The following RALGAPA1 variants were observed in gnomAD, a reference collection of about 807,000 sequenced individuals.
The protein encoded by RALGAPA1 is Ral GTPase activating protein catalytic subunit alpha 1.
Under a neutral mutation model 269.6 loss-of-function variants are expected in RALGAPA1, and 52 were observed. That is an observed-to-expected ratio of 0.19 (90% CI 0.15 to 0.24). The LOEUF (loss-of-function observed/expected upper bound fraction) is 0.24. Among genes scored for constraint, RALGAPA1 ranks in the 10% least tolerant of loss-of-function variants. The pLI, the probability that RALGAPA1 is intolerant of heterozygous loss-of-function variation, is 1.00. For missense variants in RALGAPA1, 1,917 were observed against 3,013.9 expected (o/e 0.64, Z 8.52); for synonymous variants, 817 against 1,008.3 (o/e 0.81, Z 3.60).
At chr14:35,732,283 T>G (rs1347714309) in intron 12 of RALGAPA1, among the ~76,000 whole-genome samples, 1 of 152,064 alleles carries the variant, frequency 6.6e-6, no homozygotes, top group Non-Finnish European at 1.5e-5. Flanking sequence ...ACAGAACCTT[T>G]TTAAAGCATA....
intron 26 of RALGAPA1, among the ~76,000 whole-genome samples, chr14:35,669,570 T>A (rs1369237661): frequency 2.6e-5 from 4 of 152,054 alleles, no homozygotes; most frequent in African/African-American, 9.7e-5. Context: ...ATTTTATAGA[T>A]GAAGAAACTG....
In RALGAPA1 at chr14:35,762,711, T is replaced by C; in HGVS notation, c.368A>G (p.Lys123Arg). 1 of 1,514,088 alleles carries C rather than the reference T, an allele frequency of 6.6e-7. No individual in the cohort carries two copies. The highest frequency in any genetic ancestry group is 9.2e-7 in the Non-Finnish European group (1 of 1,089,098). 93.8% of individuals were successfully genotyped at this position (1,514,088 alleles called of 1,614,324 possible). The change falls in exon 5 of 42, where the codon AAG (lysine) becomes AGG (arginine). Residue 123 changes from lysine to arginine, a missense_variant and splice_region_variant. By Grantham distance (26) the Lys-to-Arg change is conservative. Transcript: ENST00000680220. ...CATGGAAAGTAAACATAGTTGTACC[T>C]TTAAGGAGTTTCCTGTGTGAAGTAG... ...KKLLHTGNSLKIRREGVRLFL... is the reference protein window; with the variant it reads ...KKLLHTGNSLRIRREGVRLFL...
Position 35,691,297 on chromosome 14 carries a change from T to C in RALGAPA1, c.2408-1294A>G, listed in dbSNP as rs530328943. ...ATAACCATTTAACTGTTCAGATATA[T>C]ACAAATTCTCAACAGGAATTGTGGA... On this transcript the variant is annotated intron_variant, in intron 17 of 41. Coordinates refer to ENST00000680220, the MANE Select transcript of RALGAPA1 (RefSeq NM_001346249.2). Among the ~76,000 whole-genome samples the C allele has an allele frequency of 1.5e-4, 23 of 152,140 alleles. 1 individual carries two copies. The South Asian group carries it at 2.7e-3, about 18-fold the overall frequency.
intron 12 of RALGAPA1, among the ~76,000 whole-genome samples, chr14:35,731,832 G>C (rs192766494): frequency 3.3e-4 from 50 of 151,208 alleles, no homozygotes; most frequent in African/African-American, 1.2e-3. Context: ...ATCAAGGAAA[G>C]CTTCCCTGGC....
At chr14:35,596,277 T>TA (rs898860935) in intron 36 of RALGAPA1, among the ~76,000 whole-genome samples, 7 of 152,034 alleles carry the variant, frequency 4.6e-5, no homozygotes, top group Non-Finnish European at 7.4e-5. Context: ...TAGTTACATT[T>TA]AAAAAACAAC....
rs79806340 is a variant in RALGAPA1, at chr14:35,772,961, C to T, written c.268-1962G>A. Among the ~76,000 whole-genome samples, 244 of 152,288 alleles carry T rather than the reference C, an allele frequency of 1.6e-3. 1 individual carries two copies. Among genetic ancestry groups the T allele is most frequent in the African/African-American group, 5.7e-3 (235 of 41,564 alleles). Reference sequence around the variant, plus strand: ...TTTTAAAGTTCTACACAGATAAATGCTGGTCCCACATGAGACACATAAACT... The same window carrying T: ...TTTTAAAGTTCTACACAGATAAATGTTGGTCCCACATGAGACACATAAACT... On this transcript the variant is annotated intron_variant, in intron 3 of 41. Coordinates refer to ENST00000680220, the MANE Select transcript of RALGAPA1 (RefSeq NM_001346249.2).
chr14:35,686,398 A>C (rs1158412657), intron 19 of RALGAPA1, 144 bp downstream of exon 19: 2 of 576,784 alleles, frequency 3.5e-6, no homozygotes, highest in Non-Finnish European at 5.4e-6. Context: ...CAAAAATCTT[A>C]ATTCATAAAA....
At chr14:35,688,323 G>A in intron 18 of RALGAPA1, 136 bp downstream of exon 18, 1 of 893,688 alleles carries the variant, frequency 1.1e-6, no homozygotes, top group Non-Finnish European at 1.7e-6. Flanking sequence ...CTGGGAAAAG[G>A]CGCATGCATA....
intron 24 of RALGAPA1, among the ~76,000 whole-genome samples, chr14:35,673,917 C>A (rs1295592843): frequency 6.6e-6 from 1 of 152,156 alleles, no homozygotes; most frequent in Non-Finnish European, 1.5e-5. Context: ...TGTGATACAA[C>A]TCAAAGTTTA....
At chr14:35,752,403 G>C in intron 7 of RALGAPA1, among the ~76,000 whole-genome samples, 1 of 152,118 alleles carries the variant, frequency 6.6e-6, no homozygotes, top group South Asian at 2.1e-4. Context: ...TTACACAAAA[G>C]TGGCCCTACT....
chr14:35,710,387 C>G (rs1186654545), intron 16 of RALGAPA1, among the ~76,000 whole-genome samples: 2 of 152,152 alleles, frequency 1.3e-5, no homozygotes, highest in Non-Finnish European at 2.9e-5. Flanking sequence ...TCCCAAGTAG[C>G]TGGGACAACG....
intron 41 of RALGAPA1, chr14:35,542,119 T>C (rs2054064545): frequency 1.5e-6 from 1 of 665,894 alleles, no homozygotes; most frequent in Non-Finnish European, 2.2e-6. Context: ...AAGTGTTCAC[T>C]GTACTGTTGG....
chr14:35,761,707 A>G (rs1382072924), intron 5 of RALGAPA1, among the ~76,000 whole-genome samples: 1 of 152,220 alleles, frequency 6.6e-6, no homozygotes, highest in African/African-American at 2.4e-5. Flanking sequence ...AAAGAGAAAT[A>G]GAGGAAAATT....
rs934834959 is a variant in RALGAPA1 at position 35,664,578 on chromosome 14, T to C, written c.5328+64A>G. ...AAAAGAAAAGAAAGAATACAAATTTTATTGCATATACTTTATGATTATAAA... is the reference window on the plus strand; with the variant it reads ...AAAAGAAAAGAAAGAATACAAATTTCATTGCATATACTTTATGATTATAAA... On this transcript the variant is annotated intron_variant, in intron 27 of 41. Transcript: ENST00000680220. 6 of 1,287,102 alleles carry C rather than the reference T, an allele frequency of 4.7e-6. No homozygotes were observed. The Admixed American group carries it at 1.2e-4, about 25-fold the overall frequency. The allele number at this position is 1,287,102 out of a possible 1,614,324, so 79.7% of individuals were successfully genotyped here.
chr14:35,698,890 A>AT (rs1188840041), intron 17 of RALGAPA1, among the ~76,000 whole-genome samples: 1 of 152,202 alleles, frequency 6.6e-6, no homozygotes, highest in Non-Finnish European at 1.5e-5. Context: ...CTAATTCTTT[A>AT]TTTGTAGCTA....
intron 31 of RALGAPA1, among the ~76,000 whole-genome samples, chr14:35,647,397 G>A (rs780414817): frequency 1.3e-5 from 2 of 152,142 alleles, no homozygotes; most frequent in Middle Eastern, 3.2e-3. Flanking sequence ...TTAAGGAGCA[G>A]CAATCTGAAT....
intron 16 of RALGAPA1, among the ~76,000 whole-genome samples, chr14:35,721,228 C>T (rs1189280537): frequency 2.0e-5 from 3 of 152,128 alleles, no homozygotes; most frequent in Admixed American, 6.5e-5. Flanking sequence ...TAACAGACTC[C>T]ATGTTGGCCT....
intron 6 of RALGAPA1, among the ~76,000 whole-genome samples, chr14:35,757,832 A>G (rs74715222): frequency 0.021 from 3,221 of 152,278 alleles, 121 homozygotes; most frequent in African/African-American, 0.074. Flanking sequence ...ATATCAACCA[A>G]CAAGCTCACA....
chr14:35,724,015 G>C (rs1371902761), intron 14 of RALGAPA1: 2 of 152,062 alleles, frequency 1.3e-5, no homozygotes, highest in Non-Finnish European at 2.9e-5. Flanking sequence ...AAAATGAACA[G>C]AGTTTAGGTA....
Sources: gnomAD v4.1 joint callset for allele counts (sites outside exome capture counted in the v4.1 genomes callset) on GRCh38, gnomAD v4.1.1 for gene constraint, MANE v1.5 for transcripts, NCBI Gene and HGNC (gene_info 2026-07-23, HGNC 2026-07-21) for gene names.